IGSF9: variants seen among roughly 807,000 people sequenced by gnomAD.
IGSF9 encodes the protein protein turtle homolog A.
A neutral mutation model predicts 121.7 loss-of-function variants in IGSF9; 87 were observed. The ratio of observed to expected loss-of-function variants is 0.71; its 90% CI spans 0.60 to 0.85. The LOEUF (loss-of-function observed/expected upper bound fraction) is 0.85, where lower values mean the gene tolerates loss of function less well. IGSF9 is among the 40% of genes least tolerant of loss of function. The pLI is 0.00. For missense variants in IGSF9, 1,462 were observed against 1,565.3 expected (o/e 0.93, Z 1.11); for synonymous variants, 640 against 648.4 (o/e 0.99, Z 0.20).
chr1:159,935,663 C>CT (rs1651157946), intron 6 of IGSF9, among the ~76,000 whole-genome samples: 1 of 152,234 alleles, frequency 6.6e-6, no homozygotes, highest in Non-Finnish European at 1.5e-5. Flanking sequence ...ATGCGGGACA[C>CT]TGAGTGCTAA....
Position 159,937,963 on chromosome 1 carries a change from G to T in IGSF9, c.248-125C>A. 4.8e-6 allele frequency: 5 copies of T among 1,043,852 alleles called. No individual in the cohort carries two copies. The South Asian group carries it at 6.3e-5, about 13-fold the overall frequency. The allele number at this position is 1,043,852 out of a possible 1,614,324, so 64.7% of individuals were successfully genotyped here. A position where few individuals can be genotyped will look rare whatever the true frequency, so the allele number is the denominator to read the frequency against. On this transcript the variant is annotated intron_variant, in intron 3 of 20. Transcript: ENST00000368094. ...TCTCTCCCAGTTACTCTGAGTGTGG[G>T]GTCCAGAGAGACGCAGATGAGGTTG...
chr1:159,927,703 C>CG, intron 20 of IGSF9, 57 bp downstream of exon 20: 3 of 1,590,548 alleles, frequency 1.9e-6, no homozygotes, highest in Non-Finnish European at 8.6e-7. Context: ...CCTAAGGTGG[C>CG]GGGGGGATGT....
chr1:159,929,456 C>G, intron 17 of IGSF9, 63 bp from the exon 18 acceptor site: 1 of 1,587,960 alleles, frequency 6.3e-7, no homozygotes, highest in Non-Finnish European at 8.6e-7. Flanking sequence ...GGCGGAGACT[C>G]TCTCACCCAA....
Position 159,931,258 on chromosome 1 carries a change from G to C in IGSF9, c.1517C>G (p.Thr506Ser), listed in dbSNP as rs1395614278. The C allele has an allele frequency of 2.5e-6, 4 of 1,614,128 alleles. No homozygotes were observed. Among genetic ancestry groups the C allele is most frequent in the Non-Finnish European group, 8.5e-7 (1 of 1,179,976 alleles). Residue 506 changes from threonine to serine, a missense_variant, in exon 13 of 21, where the codon ACT becomes AGT. By Grantham distance (58) the Thr-to-Ser change is moderately conservative (BLOSUM62 1). Coordinates refer to ENST00000368094, the MANE Select transcript of IGSF9 (RefSeq NM_001135050.2). This position sits in a 1 kb window ranked among gnomAD's most constrained non-coding sequence, Gnocchi z 4.8. ...ATSTNVYVLG[T>S]SPHVVTNVSV... Reference sequence around the variant, plus strand: ...CACATTGGTGACAACATGAGGGCTAGTGCCTAGGCAGGGGGGAATGGAGGG... The same window carrying C: ...CACATTGGTGACAACATGAGGGCTACTGCCTAGGCAGGGGGGAATGGAGGG...
In IGSF9 at chr1:159,928,825, T is replaced by A. The variant is rs774377598; in HGVS notation, c.2563A>T (p.Met855Leu). ...TGGGGGGCCGCCACAGTGGGCCCCATCACAAAGCGCCCGTCTGGGCCCCGG... is the reference window on the plus strand; with the variant it reads ...TGGGGGGCCGCCACAGTGGGCCCCAACACAAAGCGCCCGTCTGGGCCCCGG... ...ICRGPDGRFV[M>L]GPTVAAPQER... The change falls in exon 19 of 21, where the codon ATG becomes TTG. Residue 855 changes from methionine (M) to leucine (L), a missense_variant. Coordinates refer to ENST00000368094, the MANE Select transcript of IGSF9 (RefSeq NM_001135050.2). 66 of 1,526,076 alleles carry A rather than the reference T, an allele frequency of 4.3e-5. No homozygotes were observed. The highest frequency in any genetic ancestry group is 1.3e-4 in the Admixed American group (6 of 46,454). The allele number at this position is 1,526,076 out of a possible 1,614,324, so 94.5% of individuals were successfully genotyped here.
At chr1:159,934,646 C>T (rs1651123689) in intron 7 of IGSF9, 35 bp downstream of exon 7, 7 of 1,613,980 alleles carry the variant, frequency 4.3e-6, no homozygotes, top group East Asian at 2.2e-5. Context: ...TTTGTGAATT[C>T]CCCACCTCCA....
rs1308798027 is a variant in IGSF9, at chr1:159,934,818, G to A, written c.678C>T (p.Pro226=). Residue 226 remains proline (P), a synonymous_variant, in exon 7 of 21, where the codon CCC becomes CCT. Transcript: ENST00000368094. ...THATQLLVLG[P]PVIVVPPKNS... Reference sequence around the variant, plus strand: ...TCTTGGGGGGCACCACGATGACTGGGGGTCCTGTGGGATGCACAAGGGGAG... The same window carrying A: ...TCTTGGGGGGCACCACGATGACTGGAGGTCCTGTGGGATGCACAAGGGGAG... 2 of 1,614,052 alleles carry A rather than the reference G, an allele frequency of 1.2e-6. No individual in the cohort carries two copies. The highest frequency in any genetic ancestry group is 1.7e-4 in the Middle Eastern group (1 of 6,040).
chr1:159,937,642 C>T, intron 4 of IGSF9, 44 bp downstream of exon 4: 2 of 1,595,404 alleles, frequency 1.3e-6, no homozygotes, highest in Non-Finnish European at 1.7e-6. Flanking sequence ...TCCCCATCCT[C>T]CTCCTCCCCG....
intron 6 of IGSF9, among the ~76,000 whole-genome samples, chr1:159,935,126 T>G (rs1651139879): frequency 1.3e-5 from 2 of 152,160 alleles, no homozygotes; most frequent in Admixed American, 6.5e-5. Flanking sequence ...CATTTACCAT[T>G]TGTATCCCTG....
chr1:159,927,672 C>A, intron 20 of IGSF9, 88 bp downstream of exon 20: 1 of 1,555,884 alleles, frequency 6.4e-7, no homozygotes. Flanking sequence ...GGAGGCAGGG[C>A]CTGACTGGGA....
At position 159,942,265 on chromosome 1, in the gene IGSF9, C is replaced by T. The variant is rs114449704; in HGVS notation, c.247+698G>A. ...GAGCCAGCTGGGGTGCAGCAGAAGG[C>T]GCCCAGGGAGGCTACACACGATTTT... On this transcript the variant is annotated intron_variant, in intron 3 of 20. Coordinates refer to ENST00000368094, the MANE Select transcript of IGSF9 (RefSeq NM_001135050.2). Among the ~76,000 whole-genome samples, 283 of 152,286 alleles carry T rather than the reference C, an allele frequency of 1.9e-3. 3 individuals are homozygous for T. The highest frequency in any genetic ancestry group is 6.3e-3 in the African/African-American group (263 of 41,556).
Position 159,932,268 on chromosome 1 carries a change from T to C in IGSF9, c.1245+244A>G, listed in dbSNP as rs951396845. 6.5e-5 allele frequency: 38 copies of C among 582,898 alleles called. No homozygotes were observed. The highest frequency in any genetic ancestry group is 1.9e-4 in the Admixed American group (6 of 31,920). 36.1% of individuals were successfully genotyped at this position (582,898 alleles called of 1,614,324 possible). A position where few individuals can be genotyped will look rare whatever the true frequency, so the allele number is the denominator to read the frequency against. ...GCAGCACGGTCAAGGTTAGTGAGAG[T>C]TGGGGCAAACAGGATATCTTACTTC... On this transcript the variant is annotated intron_variant, in intron 10 of 20. Transcript: ENST00000368094. This position sits in a 1 kb window ranked among gnomAD's most constrained non-coding sequence, Gnocchi z 4.1.
At chr1:159,941,556 G>C (rs753489974) in intron 3 of IGSF9, among the ~76,000 whole-genome samples, 1 of 152,252 alleles carries the variant, frequency 6.6e-6, no homozygotes, top group Non-Finnish European at 1.5e-5. Context: ...GGTAGACAAA[G>C]TTGCTAACCA....
At chr1:159,943,311 C>CA in intron 2 of IGSF9, 86 bp downstream of exon 2, 1 of 1,400,780 alleles carries the variant, frequency 7.1e-7, no homozygotes, top group East Asian at 2.5e-5. Context: ...CCTGCCCTCA[C>CA]ATGCTCAAAG....
chr1:159,930,894 A>G, intron 13 of IGSF9, 27 bp from the exon 14 acceptor site: 1 of 1,570,484 alleles, frequency 6.4e-7, no homozygotes, highest in Non-Finnish European at 8.6e-7. Flanking sequence ...CATGGGGGGC[A>G]CCTCGTGAGC....
At chr1:159,944,046 C>T (rs1311317317) in intron 1 of IGSF9, among the ~76,000 whole-genome samples, 1 of 152,118 alleles carries the variant, frequency 6.6e-6, no homozygotes. Context: ...TTTCCTTACT[C>T]TTGATGCTCA....
intron 15 of IGSF9, 52 bp from the exon 16 acceptor site, chr1:159,930,027 A>G (rs946991636): frequency 1.3e-6 from 2 of 1,578,188 alleles, no homozygotes; most frequent in Non-Finnish European, 1.7e-6. Context: ...GCACCGCCCA[A>G]CCCAGCGGGG....
rs1360915834 is a variant in IGSF9, at chr1:159,936,448, G to A, written c.624C>T (p.Ala208=). The A allele has an allele frequency of 9.3e-6, 15 of 1,614,066 alleles. 1 individual carries two copies. Among genetic ancestry groups the A allele is most frequent in the African/African-American group, 1.3e-5 (1 of 75,066 alleles). The change falls in exon 6 of 21, where the codon GCC becomes GCT. Residue 208 remains alanine (A), a synonymous_variant. Coordinates refer to ENST00000368094, the MANE Select transcript of IGSF9 (RefSeq NM_001135050.2). ...GGGTGGCGCTGCCCTCAGTGCTGGA[G>A]GCTTGGCAGGTGTAGACCCCAGAGC... ...RGSSGVYTCQ[A]SSTEGSATHA...
At chr1:159,935,445 C>G (rs1651151152) in intron 6 of IGSF9, among the ~76,000 whole-genome samples, 1 of 152,228 alleles carries the variant, frequency 6.6e-6, no homozygotes, top group East Asian at 1.9e-4. Context: ...GTATGGGCAG[C>G]TGGCTGTCCC....
Sources: allele counts gnomAD v4.1 joint callset (sites outside exome capture counted in the v4.1 genomes callset), GRCh38; gene constraint gnomAD v4.1.1; non-coding constraint Gnocchi (gnomAD v3.1); transcripts MANE v1.5; gene names NCBI Gene and HGNC (gene_info 2026-07-23, HGNC 2026-07-21).